ZNF81: variants seen among roughly 807,000 people sequenced by gnomAD.
ZNF81 encodes the protein zinc finger protein 81 (HFZ20).
A neutral mutation model predicts 32.3 loss-of-function variants in ZNF81; 5 were observed. That is an observed-to-expected ratio of 0.15 (90% CI 0.08 to 0.33). ZNF81 has a LOEUF of 0.33. Ranked by LOEUF, ZNF81 falls within the 10% of genes least tolerant of loss-of-function variation. The pLI, the probability that ZNF81 is intolerant of heterozygous loss-of-function variation, is 1.00. For missense variants in ZNF81, 379 were observed against 479.8 expected, an observed-to-expected ratio of 0.79 and a Z score of 1.96; for synonymous variants, 163 against 166.8, an observed-to-expected ratio of 0.98 and a Z score of 0.17.
rs1556891324 is a variant in ZNF81, at chrX:47,918,096, A to C, written c.*1464A>C. On this transcript the variant is annotated 3_prime_UTR_variant, in exon 5 of 5. Transcript: ENST00000338637. The stretch of plus-strand genomic sequence containing the variant: ...AGGAGATTTGCAGCAGAATATGGGA[A>C]GTATCAGTTTGCTTCTTTTAGCTGC... 1.8e-5 allele frequency: 2 copies of C among 111,152 alleles called. No homozygotes were observed. 9.2% of individuals were successfully genotyped at this position (111,152 alleles called of 1,213,427 possible).
In ZNF81 at chrX:47,920,785, A is replaced by G. The variant is rs1030025066; in HGVS notation, c.*4153A>G. ...GGATGACTATGGAGAAGAGCCTGCA[A>G]GCAGAGACCAACTACCCTTAGGTCT... On this transcript the variant is annotated 3_prime_UTR_variant, in exon 5 of 5. Transcript: ENST00000338637. 7.2e-5 allele frequency: 8 copies of G among 110,610 alleles called. No individual in the cohort carries two copies. The highest frequency in any genetic ancestry group is 2.3e-4 in the African/African-American group (7 of 30,363). The allele number at this position is 110,610 out of a possible 1,213,427, so 9.1% of individuals were successfully genotyped here.
intron 4 of ZNF81, among the ~76,000 whole-genome samples, chrX:47,908,440 G>A (rs1386978181): frequency 8.9e-6 from 1 of 111,849 alleles, no homozygotes; most frequent in Non-Finnish European, 1.9e-5. Context: ...TTGATGGTAG[G>A]AGTGTAAATT....
In ZNF81 at chrX:47,916,202, C is replaced by T. The variant is rs1556890808; in HGVS notation, c.1556C>T (p.Ser519Phe). 2.5e-6 allele frequency: 3 copies of T among 1,210,913 alleles called. No individual in the cohort carries two copies. Among genetic ancestry groups the T allele is most frequent in the Non-Finnish European group, 2.2e-6 (2 of 895,145 alleles). The change falls in exon 5 of 5, where the codon TCT becomes TTT. Residue 519 changes from serine (S) to phenylalanine (F), a missense_variant. By Grantham distance (155) the Ser-to-Phe change is radical. This residue lies in a region of ZNF81 where 102 missense variants were observed against 173.2 expected (regional missense o/e 0.59). Coordinates refer to ENST00000338637, the MANE Select transcript of ZNF81 (RefSeq NM_007137.5). The part of the protein sequence containing the change: ...NRSNLNTHQK[S>F]HTGEKSYICA... ...TCAAATCTCAATACTCACCAGAAGT[C>T]TCATACTGGAGAAAAGTCTTATATA...
intron 2 of ZNF81, among the ~76,000 whole-genome samples, chrX:47,853,470 G>A (rs1290378506): frequency 9.0e-6 from 1 of 111,272 alleles, no homozygotes; most frequent in Non-Finnish European, 1.9e-5. Flanking sequence ...GTGAGCCACC[G>A]TGCCCGGCCG....
rs571111580 is a variant in ZNF81 at position 47,869,065 on chromosome X, A to G, written c.55-18934A>G. Among the ~76,000 whole-genome samples the G allele has an allele frequency of 1.2e-3, 130 of 111,716 alleles. 1 individual carries two copies. In the South Asian group the frequency reaches 0.048, roughly 41 times the overall value. On this transcript the variant is annotated intron_variant, in intron 2 of 4. Coordinates refer to ENST00000338637, the MANE Select transcript of ZNF81 (RefSeq NM_007137.5). ...AGTTTTATTGAACCAAACCTCTACC[A>G]TAGTAAAGGTGAGAGAATAAATCAC... is the stretch of plus-strand genomic sequence containing the variant.
At chrX:47,838,819 C>T (rs2058435465) in intron 1 of ZNF81, among the ~76,000 whole-genome samples, 1 of 111,898 alleles carries the variant, frequency 8.9e-6, no homozygotes, top group African/African-American at 3.3e-5. Context: ...CAGGCTCTCA[C>T]TCTGTTCCTC....
At chrX:47,858,829 A>G (rs1314765071) in intron 2 of ZNF81, among the ~76,000 whole-genome samples, 1 of 111,192 alleles carries the variant, frequency 9.0e-6, no homozygotes, top group East Asian at 2.8e-4. Flanking sequence ...GGTGGCTCAC[A>G]CCTGTAATCC....
At chrX:47,904,940 A>G (rs2058714896) in intron 4 of ZNF81, among the ~76,000 whole-genome samples, 1 of 110,928 alleles carries the variant, frequency 9.0e-6, no homozygotes, top group Non-Finnish European at 1.9e-5. Flanking sequence ...GGAAACCATC[A>G]TTCTCAGTAA....
At chrX:47,904,031 C>A (rs868977829) in intron 4 of ZNF81, among the ~76,000 whole-genome samples, 142 of 110,736 alleles carry the variant, frequency 1.3e-3, no homozygotes, top group African/African-American at 4.5e-3. Context: ...AAACTGGATC[C>A]CTTCCTTACA....
At chrX:47,896,004 C>T (rs1305626444) in intron 4 of ZNF81, 64 bp downstream of exon 4, 24 of 837,921 alleles carry the variant, frequency 2.9e-5, no homozygotes, top group South Asian at 2.0e-4. Context: ...TAAGGAAGAC[C>T]GATGCCTTTA....
chrX:47,901,583 C>T (rs782024142), intron 4 of ZNF81, among the ~76,000 whole-genome samples: 101 of 111,460 alleles, frequency 9.1e-4, no homozygotes, highest in African/African-American at 3.1e-3. Context: ...GCATTTTATC[C>T]TACTAATATG....
intron 1 of ZNF81, among the ~76,000 whole-genome samples, chrX:47,845,774 C>T (rs1458561183): frequency 3.6e-5 from 4 of 111,989 alleles, no homozygotes; most frequent in African/African-American, 1.3e-4. Flanking sequence ...GCCAGTTCAG[C>T]GCTAAGTACC....
At chrX:47,859,442 T>C (rs1348512386) in intron 2 of ZNF81, among the ~76,000 whole-genome samples, 5 of 112,148 alleles carry the variant, frequency 4.5e-5, no homozygotes, top group Non-Finnish European at 3.8e-5. Flanking sequence ...TTTTGTTTAC[T>C]GGCCATAATC....
Position 47,916,666 on chromosome X carries a change from TA to T in ZNF81, c.*36del. On this transcript the variant is annotated 3_prime_UTR_variant, in exon 5 of 5. Coordinates refer to ENST00000338637, the MANE Select transcript of ZNF81 (RefSeq NM_007137.5). ...CTGTTTCTTGAAAATGAGAGCCTTA[TA>T]AGGCTGACAAAAGTCAGGTCTAACT... 12 of 1,174,097 alleles carry T rather than the reference TA, an allele frequency of 1.0e-5. No individual in the cohort carries two copies. The highest frequency in any genetic ancestry group is 1.4e-5 in the Non-Finnish European group (12 of 877,764).
intron 1 of ZNF81, among the ~76,000 whole-genome samples, chrX:47,837,523 CTG>C (rs1365302618): frequency 8.9e-6 from 1 of 112,282 alleles, no homozygotes; most frequent in East Asian, 2.8e-4. Flanking sequence ...CTGTGATCCT[CTG>C]TGAGTTACTT....
At chrX:47,856,345 CT>C (rs1210772128) in intron 2 of ZNF81, among the ~76,000 whole-genome samples, 15 of 111,223 alleles carry the variant, frequency 1.3e-4, no homozygotes, top group African/African-American at 4.9e-4. Context: ...TATTGATAGA[CT>C]TTGGGAGAGA....
chrX:47,903,444 T>C (rs1168905126), intron 4 of ZNF81, among the ~76,000 whole-genome samples: 1 of 90,648 alleles, frequency 1.1e-5, no homozygotes, highest in Non-Finnish European at 2.2e-5. Flanking sequence ...AAATCATGAG[T>C]GAACTCCCAT....
At chrX:47,858,403 T>C (rs1326195898) in intron 2 of ZNF81, among the ~76,000 whole-genome samples, 1 of 112,147 alleles carries the variant, frequency 8.9e-6, no homozygotes, top group Non-Finnish European at 1.9e-5. Context: ...TCCTTTGTCT[T>C]GTCTTATACT....
At chrX:47,862,957 C>T (rs969577054) in intron 2 of ZNF81, among the ~76,000 whole-genome samples, 1 of 111,460 alleles carries the variant, frequency 9.0e-6, no homozygotes, top group Non-Finnish European at 1.9e-5. Flanking sequence ...CTCAGTTAAT[C>T]ATTCATGAGA....
Sources: allele counts gnomAD v4.1 joint callset (sites outside exome capture counted in the v4.1 genomes callset), GRCh38; gene constraint gnomAD v4.1.1; regional missense constraint gnomAD v4.1.1; transcripts MANE v1.5; gene names NCBI Gene and HGNC (gene_info 2026-07-23, HGNC 2026-07-21).